Variants in STIM1 observed in about 807,000 individuals in gnomAD.
STIM1 encodes stromal interaction molecule 1.
A neutral mutation model predicts 74.7 loss-of-function variants in STIM1; 25 were observed. That is an observed-to-expected ratio of 0.33 (90% CI 0.24 to 0.47). The LOEUF is 0.47. Ranked by LOEUF, STIM1 falls within the 20% of genes least tolerant of loss-of-function variation. The pLI, the probability that STIM1 is intolerant of heterozygous loss-of-function variation, is 1.00. For synonymous variants in STIM1, 328 were observed against 348.8 expected (o/e 0.94, Z 0.66); for missense variants, 728 against 920.8 (o/e 0.79, Z 2.71).
intron 2 of STIM1, among the ~76,000 whole-genome samples, chr11:4,005,591 AGGGGG>A (rs2093770908): frequency 1.3e-5 from 1 of 75,492 alleles, no homozygotes; most frequent in African/African-American, 5.2e-5. Flanking sequence ...GGGTGGGGGG[AGGGGG>A]GAGCGATAGC....
chr11:3,863,019 A>C lies in STIM1; in HGVS notation c.139+6610A>C, dbSNP rs974853347. ...GCAATTCTTCTGTCTCAGCCTCCCA[A>C]GTAGCTGGGATTACAGGTGCCCGCC... On this transcript the variant is annotated intron_variant, in intron 1 of 12. Coordinates refer to ENST00000526596, the MANE Select transcript of STIM1 (RefSeq NM_001382567.1). Among the ~76,000 whole-genome samples, 4 of 151,746 alleles carry C rather than the reference A, an allele frequency of 2.6e-5. No individual in the cohort carries two copies. In the East Asian group the frequency reaches 7.8e-4, roughly 30 times the overall value.
intron 1 of STIM1, among the ~76,000 whole-genome samples, chr11:3,955,686 C>A (rs1354758462): frequency 1.3e-5 from 2 of 151,816 alleles, no homozygotes; most frequent in African/African-American, 4.8e-5. Context: ...AATAAAACCC[C>A]AAAAAACCCA....
At chr11:3,869,720 G>C (rs1177733516) in intron 1 of STIM1, among the ~76,000 whole-genome samples, 1 of 152,220 alleles carries the variant, frequency 6.6e-6, no homozygotes, top group Admixed American at 6.5e-5. Context: ...GTTTTGACAA[G>C]GGGAGAGACC....
rs1565174393 is a variant in STIM1, at chr11:4,091,789, TAAG to T, written c.2146_2148del (p.Lys716del). On this transcript the variant is annotated inframe_deletion, in exon 13 of 13. Transcript: ENST00000526596. ...CCCTCAAAATCTTTAAGAAGCCTCT[TAAG>T]AAGTAGGCAGGATGGGGTGGCAGTA... is the stretch of plus-strand genomic sequence containing the variant. The T allele has an allele frequency of 1.2e-6, 2 of 1,604,376 alleles. No individual in the cohort carries two copies. The highest frequency in any genetic ancestry group is 8.5e-7 in the Non-Finnish European group (1 of 1,179,976).
At chr11:3,944,019 C>T (rs1271695309) in intron 1 of STIM1, among the ~76,000 whole-genome samples, 1 of 152,058 alleles carries the variant, frequency 6.6e-6, no homozygotes, top group Non-Finnish European at 1.5e-5. Flanking sequence ...GCTCTACCAC[C>T]TAACATAGGT....
intron 1 of STIM1, among the ~76,000 whole-genome samples, chr11:3,931,447 G>A (rs889400377): frequency 1.6e-4 from 25 of 152,124 alleles, no homozygotes; most frequent in African/African-American, 6.0e-4. Flanking sequence ...GGTAACCAGG[G>A]TGCTAAGTTC....
At chr11:4,019,167 CA>C (rs2093931998) in intron 2 of STIM1, 1 of 153,324 alleles carries the variant, frequency 6.5e-6, no homozygotes. Context: ...AATGAAAAAT[CA>C]TATTAGCTGT....
chr11:4,000,850 C>T (rs10835475), intron 2 of STIM1, among the ~76,000 whole-genome samples: 52 of 151,072 alleles, frequency 3.4e-4, no homozygotes, highest in Non-Finnish European at 5.6e-4. Context: ...AAAATTTAGA[C>T]GAATGTATAA....
chr11:3,930,173 G>C (rs966980045), intron 1 of STIM1, among the ~76,000 whole-genome samples: 1 of 152,102 alleles, frequency 6.6e-6, no homozygotes, highest in Non-Finnish European at 1.5e-5. Context: ...ACCCAAACAT[G>C]TATTTGACCT....
chr11:4,073,804 C>G (rs1437094740), intron 6 of STIM1, among the ~76,000 whole-genome samples: 1 of 152,170 alleles, frequency 6.6e-6, no homozygotes, highest in Non-Finnish European at 1.5e-5. Flanking sequence ...GAAAGGAACT[C>G]AGGGCCTGGG....
chr11:3,983,226 G>GC (rs2093524619), intron 2 of STIM1, among the ~76,000 whole-genome samples: 1 of 152,206 alleles, frequency 6.6e-6, no homozygotes, highest in South Asian at 2.1e-4. Context: ...AAGCCACCAT[G>GC]CCCTGCCTCT....
At chr11:3,961,295 AT>A in intron 1 of STIM1, 1 of 234,854 alleles carries the variant, frequency 4.3e-6, no homozygotes. Flanking sequence ...CTGCAGGCTG[AT>A]TTTGACAGTG....
At chr11:3,861,289 A>C (rs2090594692) in intron 1 of STIM1, among the ~76,000 whole-genome samples, 1 of 149,612 alleles carries the variant, frequency 6.7e-6, no homozygotes, top group African/African-American at 2.5e-5. Flanking sequence ...GCTGGAGTGC[A>C]GTGGCCCGAT....
chr11:3,937,305 T>TAA (rs2092945455), intron 1 of STIM1, among the ~76,000 whole-genome samples: 1 of 146,612 alleles, frequency 6.8e-6, no homozygotes, highest in Non-Finnish European at 1.5e-5. Context: ...ATAATAATAA[T>TAA]AATAATAATA....
At chr11:3,938,460 A>G (rs1404979510) in intron 1 of STIM1, among the ~76,000 whole-genome samples, 1 of 152,150 alleles carries the variant, frequency 6.6e-6, no homozygotes, top group Non-Finnish European at 1.5e-5. Context: ...TTTATCATTA[A>G]AACAGGGCTC....
At chr11:3,929,477 T>C (rs540635833) in intron 1 of STIM1, among the ~76,000 whole-genome samples, 1 of 152,310 alleles carries the variant, frequency 6.6e-6, no homozygotes, top group South Asian at 2.1e-4. Flanking sequence ...GTGGAGTGGC[T>C]GAAGCTAGTG....
chr11:4,068,473 C>T (rs1295308681), intron 5 of STIM1, among the ~76,000 whole-genome samples: 8 of 152,150 alleles, frequency 5.3e-5, no homozygotes, highest in Admixed American at 5.2e-4. Context: ...ACCCCAGGCT[C>T]TGGTAGTGGC....
intron 2 of STIM1, among the ~76,000 whole-genome samples, chr11:4,016,498 C>T (rs1002114047): frequency 5.3e-5 from 8 of 152,206 alleles, no homozygotes; most frequent in Admixed American, 4.6e-4. Context: ...TCAGGCTACA[C>T]GGGTGTCAGG....
intron 2 of STIM1, among the ~76,000 whole-genome samples, chr11:3,980,465 T>C (rs2135795475): frequency 6.6e-6 from 1 of 152,150 alleles, no homozygotes; most frequent in South Asian, 2.1e-4. Context: ...TCCTGGCATT[T>C]CTCTGCTTCC....
Sources: allele counts gnomAD v4.1 joint callset (sites outside exome capture counted in the v4.1 genomes callset), GRCh38; gene constraint gnomAD v4.1.1; transcripts MANE v1.5; gene names NCBI Gene and HGNC (gene_info 2026-07-23, HGNC 2026-07-21).